ASTN1: variants seen among roughly 807,000 people sequenced by gnomAD.
ASTN1 encodes astrotactin-1.
In ASTN1, 41 loss-of-function variants were observed where a neutral mutation model predicts 140.7. The observed-to-expected ratio is 0.29, with a 90% CI of 0.23 to 0.38. The LOEUF is 0.38. ASTN1 is among the 10% of genes least tolerant of loss of function. The pLI is 1.00. For missense variants in ASTN1, 1,479 were observed against 1,678.8 expected, an observed-to-expected ratio of 0.88 and a Z score of 2.08; for synonymous variants, 640 against 652.2, an observed-to-expected ratio of 0.98 and a Z score of 0.29.
chr1:177,065,623 A>T (rs1168533453), intron 1 of ASTN1, among the ~76,000 whole-genome samples: 1 of 152,210 alleles, frequency 6.6e-6, no homozygotes, highest in Non-Finnish European at 1.5e-5. Context: ...ACAAAGGAAC[A>T]GAAGGATAAC....
At chr1:177,005,722 T>C (rs1674961228) in intron 8 of ASTN1, among the ~76,000 whole-genome samples, 1 of 152,102 alleles carries the variant, frequency 6.6e-6, no homozygotes, top group Admixed American at 6.6e-5. Flanking sequence ...TGTGTGTGAG[T>C]GCTGGGATTA....
intron 11 of ASTN1, among the ~76,000 whole-genome samples, chr1:176,950,179 A>G (rs1169399199): frequency 6.6e-6 from 1 of 152,212 alleles, no homozygotes; most frequent in Non-Finnish European, 1.5e-5. Context: ...CCCATCACCT[A>G]TTATATGCCA....
chr1:176,879,628 G>C lies in ASTN1; in HGVS notation c.3363-2991C>G, dbSNP rs1668707258. 2.0e-5 allele frequency among the ~76,000 whole-genome samples: 3 copies of C among 152,258 alleles called. No homozygotes were observed. The South Asian group carries it at 6.2e-4, about 32-fold the overall frequency. ...GTGGCCTGCCTTGCTGTAAGTTCCA[G>C]CTAAACTGTATTGGATGCTGACCTA... On this transcript the variant is annotated intron_variant, in intron 20 of 22. Coordinates refer to ENST00000361833, the MANE Select transcript of ASTN1 (RefSeq NM_004319.3).
At chr1:177,009,089 C>T (rs1213667797) in intron 8 of ASTN1, among the ~76,000 whole-genome samples, 2 of 152,206 alleles carry the variant, frequency 1.3e-5, no homozygotes, top group Non-Finnish European at 2.9e-5. Context: ...AGAAACAAGA[C>T]ATGGCCTAAG....
At chr1:177,025,864 C>G (rs1255608601) in intron 5 of ASTN1, among the ~76,000 whole-genome samples, 1 of 152,108 alleles carries the variant, frequency 6.6e-6, no homozygotes, top group Non-Finnish European at 1.5e-5. Flanking sequence ...ATGTGGCTCG[C>G]ATCATTGACT....
chr1:177,052,274 G>A (rs1477758147), intron 2 of ASTN1, among the ~76,000 whole-genome samples: 1 of 152,128 alleles, frequency 6.6e-6, no homozygotes, highest in African/African-American at 2.4e-5. Context: ...GTCACACATT[G>A]TATGCAAGAT....
chr1:176,946,621 G>A (rs1671969674), intron 12 of ASTN1, among the ~76,000 whole-genome samples: 1 of 152,148 alleles, frequency 6.6e-6, no homozygotes, highest in Non-Finnish European at 1.5e-5. Flanking sequence ...AAATTAGAAA[G>A]ATTTATCATC....
rs967186975 is a variant in ASTN1, at chr1:177,024,503, C to T, written c.1270+80G>A. The T allele has an allele frequency of 3.9e-6, 6 of 1,529,096 alleles. No homozygotes were observed. The Admixed American group carries it at 1.0e-4, about 27-fold the overall frequency. The allele number at this position is 1,529,096 out of a possible 1,614,324, so 94.7% of individuals were successfully genotyped here. On this transcript the variant is annotated intron_variant, in intron 6 of 22. Transcript: ENST00000361833. ...GTAGAGTAATAGGTAACAGTGACTC[C>T]TGTCTTCTCTAGCCTTTGCCCAACC...
At chr1:176,911,249 G>T (rs1252223046) in intron 16 of ASTN1, among the ~76,000 whole-genome samples, 1 of 152,164 alleles carries the variant, frequency 6.6e-6, no homozygotes, top group African/African-American at 2.4e-5. Flanking sequence ...GAGTCAGTGG[G>T]TGAGTGGTGA....
intron 16 of ASTN1, among the ~76,000 whole-genome samples, chr1:176,929,372 T>C (rs12561927): frequency 0.12 from 17,905 of 152,214 alleles, 1,339 homozygotes; most frequent in Admixed American, 0.18. Context: ...GCTCAGAGAC[T>C]GGAGTGATGC....
intron 7 of ASTN1, among the ~76,000 whole-genome samples, chr1:177,015,607 C>T (rs558807169): frequency 1.3e-5 from 2 of 152,292 alleles, no homozygotes; most frequent in South Asian, 2.1e-4. Flanking sequence ...GATATCACTA[C>T]ATTTCATTAT....
intron 15 of ASTN1, among the ~76,000 whole-genome samples, chr1:176,934,556 T>A (rs1171140015): frequency 1.6e-4 from 25 of 152,156 alleles, no homozygotes; most frequent in Non-Finnish European, 1.5e-4. Context: ...GTATTAACTT[T>A]GTGCCAAGTT....
chr1:176,961,855 G>A (rs1421277940), intron 9 of ASTN1, among the ~76,000 whole-genome samples: 3 of 152,124 alleles, frequency 2.0e-5, no homozygotes, highest in Non-Finnish European at 4.4e-5. Flanking sequence ...CCCAACTCGG[G>A]CCTTCTCTGG....
intron 12 of ASTN1, among the ~76,000 whole-genome samples, chr1:176,947,588 C>T (rs78625240): frequency 0.014 from 2,134 of 152,306 alleles, 54 homozygotes; most frequent in African/African-American, 0.048. Context: ...AGATGTGACT[C>T]AAGATTCCCA....
intron 1 of ASTN1, among the ~76,000 whole-genome samples, chr1:177,103,743 G>A (rs532151784): frequency 5.5e-4 from 83 of 152,114 alleles, no homozygotes; most frequent in Admixed American, 3.9e-4. Flanking sequence ...TTATCATACA[G>A]TCCTCGAACC....
chr1:176,928,487 A>G (rs1671067150), intron 16 of ASTN1, among the ~76,000 whole-genome samples: 1 of 152,234 alleles, frequency 6.6e-6, no homozygotes, highest in Non-Finnish European at 1.5e-5. Flanking sequence ...AAGGATCCAT[A>G]TAAAGAGCTG....
intron 1 of ASTN1, among the ~76,000 whole-genome samples, chr1:177,069,594 C>T (rs1026170176): frequency 3.3e-5 from 5 of 152,108 alleles, no homozygotes; most frequent in East Asian, 3.9e-4. Flanking sequence ...GGTCACTCTA[C>T]GCTACTCTGT....
chr1:177,055,218 A>G lies in ASTN1; in HGVS notation c.471+5860T>C, dbSNP rs144070757. ...TGTAAATCCAGCGTGTCTTTCTGCT[A>G]CATCTCAGCTCTCACTTTACTAGAA... On this transcript the variant is annotated intron_variant, in intron 2 of 22. Transcript: ENST00000361833. Among the ~76,000 whole-genome samples, 8 of 152,356 alleles carry G rather than the reference A, an allele frequency of 5.3e-5. No individual in the cohort carries two copies. The East Asian group carries it at 1.5e-3, about 29-fold the overall frequency.
chr1:177,092,170 T>A (rs905295670), intron 1 of ASTN1, among the ~76,000 whole-genome samples: 3 of 152,154 alleles, frequency 2.0e-5, no homozygotes, highest in African/African-American at 7.2e-5. Flanking sequence ...TTTATTATTG[T>A]TCCCATTTTT....
Sources: allele counts gnomAD v4.1 joint callset (sites outside exome capture counted in the v4.1 genomes callset), GRCh38; gene constraint gnomAD v4.1.1; transcripts MANE v1.5; gene names NCBI Gene and HGNC (gene_info 2026-07-23, HGNC 2026-07-21).